The following ZIM2 variants were observed in gnomAD, a reference collection of about 807,000 sequenced individuals.
ZIM2 encodes the protein zinc finger imprinted 2, also known as zinc finger protein 656.
ZIM2 carries 14 observed loss-of-function variants against 38.6 expected under a neutral mutation model. The observed-to-expected ratio is 0.36, with a 90% CI of 0.24 to 0.57. The LOEUF is 0.57. Ranked by LOEUF, ZIM2 falls within the 20% of genes least tolerant of loss-of-function variation. ZIM2 has a pLI of 0.81. For missense variants in ZIM2, 680 were observed against 695.1 expected (o/e 0.98, Z 0.24); for synonymous variants, 247 against 245.8 (o/e 1.00, Z -0.04).
rs138979732 is a variant in ZIM2 at position 56,779,115 on chromosome 19, T to C, written c.835+262A>G. 2.7e-3 allele frequency among the ~76,000 whole-genome samples: 406 copies of C among 152,066 alleles called. 4 individuals are homozygous for C. The highest frequency in any genetic ancestry group is 9.2e-3 in the African/African-American group (383 of 41,490). Reference sequence around the variant, plus strand: ...TCAGTTAAAGAGGAGAGATGTATGATGTTTAGCTGCAAGGAGAAAGGCATG... The same window carrying C: ...TCAGTTAAAGAGGAGAGATGTATGACGTTTAGCTGCAAGGAGAAAGGCATG... On this transcript the variant is annotated intron_variant, in intron 12 of 12. Coordinates refer to ENST00000629319, the MANE Select transcript of ZIM2 (RefSeq NM_001387356.1).
intron 9 of ZIM2, chr19:56,813,991 C>A: frequency 1.2e-6 from 2 of 1,614,150 alleles, no homozygotes; most frequent in Middle Eastern, 1.6e-4. Context: ...AATTCCCACA[C>A]CGTCAGGCTC....
chr19:56,782,530 G>A, intron 10 of ZIM2: 2 of 437,866 alleles, frequency 4.6e-6, no homozygotes, highest in Non-Finnish European at 9.0e-6. Flanking sequence ...TAAACAAGGA[G>A]ATGAAAATCA....
intron 10 of ZIM2, among the ~76,000 whole-genome samples, chr19:56,785,986 A>G (rs2046577433): frequency 6.6e-6 from 1 of 152,098 alleles, no homozygotes; most frequent in South Asian, 2.1e-4. Flanking sequence ...AGAACATTTC[A>G]TCGCCCCAAA....
Position 56,818,634 on chromosome 19 carries a change from G to T in ZIM2, c.363C>A (p.Asp121Glu), listed in dbSNP as rs1172378560. 1 of 1,614,040 alleles carries T rather than the reference G, an allele frequency of 6.2e-7. No individual in the cohort carries two copies. ...GCAGCTTCCTGTAGTTTTCCATGTT[G>T]TCCTGGATTGTGTTGTGAGGTTTCC... ...EDRKPHNTIQ[D>E]NMENYRKLLS... The change falls in exon 8 of 13, where the codon GAC becomes GAA. Residue 121 changes from aspartate to glutamate, a missense_variant. Coordinates refer to ENST00000629319, the MANE Select transcript of ZIM2 (RefSeq NM_001387356.1).
At chr19:56,826,970 A>T (rs554903724) in intron 2 of ZIM2, among the ~76,000 whole-genome samples, 1 of 152,336 alleles carries the variant, frequency 6.6e-6, no homozygotes, top group Non-Finnish European at 1.5e-5. Flanking sequence ...TGGCAGGCTT[A>T]TAGAGTTCAA....
At chr19:56,777,969 G>C (rs4801384) in intron 12 of ZIM2, among the ~76,000 whole-genome samples, 1 of 151,776 alleles carries the variant, frequency 6.6e-6, no homozygotes, top group African/African-American at 2.4e-5. Flanking sequence ...TCAGGGCCCT[G>C]GCACTTGCTG....
chr19:56,815,138 G>C, intron 9 of ZIM2: 3 of 1,613,870 alleles, frequency 1.9e-6, no homozygotes, highest in Non-Finnish European at 2.5e-6. Context: ...TTGTCATCAG[G>C]GTCATCCTTC....
At chr19:56,787,438 G>A (rs947522042) in intron 10 of ZIM2, among the ~76,000 whole-genome samples, 1 of 152,044 alleles carries the variant, frequency 6.6e-6, no homozygotes, top group African/African-American at 2.4e-5. Flanking sequence ...ACCACGCCCA[G>A]CTAATTTTTG....
intron 10 of ZIM2, among the ~76,000 whole-genome samples, chr19:56,783,260 A>G (rs2046420142): frequency 6.6e-6 from 1 of 152,240 alleles, no homozygotes; most frequent in Non-Finnish European, 1.5e-5. Flanking sequence ...CTACAGTTAT[A>G]TACAACAATC....
rs547475482 is a variant in ZIM2 at position 56,795,770 on chromosome 19, G to A, written c.491-5819C>T. 1.0e-3 allele frequency among the ~76,000 whole-genome samples: 159 copies of A among 152,208 alleles called. 3 individuals carry two copies. Among genetic ancestry groups the A allele is most frequent in the Middle Eastern group, 3.4e-3 (1 of 294 alleles). On this transcript the variant is annotated intron_variant, in intron 9 of 12. Transcript: ENST00000629319. ...GCAGGAGAATTGCTTGAACCTGGGAGGCAGAGGTTACAGTGAGCCGAGATC... is the reference window on the plus strand; with the variant it reads ...GCAGGAGAATTGCTTGAACCTGGGAAGCAGAGGTTACAGTGAGCCGAGATC...
At chr19:56,835,168 T>G (rs1031614448) in intron 2 of ZIM2, among the ~76,000 whole-genome samples, 2 of 152,104 alleles carry the variant, frequency 1.3e-5, no homozygotes, top group African/African-American at 4.8e-5. Context: ...CCACACCCAC[T>G]GCGTCCACCC....
At chr19:56,821,351 C>G (rs1306751497) in intron 7 of ZIM2, among the ~76,000 whole-genome samples, 1 of 152,200 alleles carries the variant, frequency 6.6e-6, no homozygotes, top group Non-Finnish European at 1.5e-5. Flanking sequence ...CCAGAAACAT[C>G]TCCAGAGTCA....
intron 9 of ZIM2, chr19:56,798,048 AT>A (rs2145968386): frequency 6.6e-6 from 1 of 152,294 alleles, no homozygotes; most frequent in South Asian, 2.1e-4. Context: ...ATTATTTATG[AT>A]CTAACTGAAA....
At chr19:56,811,406 CTTAATG>C in intron 9 of ZIM2, 1 of 889,072 alleles carries the variant, frequency 1.1e-6, no homozygotes, top group Non-Finnish European at 1.3e-6. Context: ...GCTTTCTCCA[CTTAATG>C]TTCTGTAAAT....
rs1600969405 is a variant in ZIM2, at chr19:56,817,907, C to G, written c.398-69G>C. ...CCAAGACTCATCACCATAAATTGATCTTCATCTTTCACTGAGCCACTAAAT... is the reference window on the plus strand; with the variant it reads ...CCAAGACTCATCACCATAAATTGATGTTCATCTTTCACTGAGCCACTAAAT... On this transcript the variant is annotated intron_variant, in intron 8 of 12. Coordinates refer to ENST00000629319, the MANE Select transcript of ZIM2 (RefSeq NM_001387356.1). The G allele has an allele frequency of 1.2e-5, 15 of 1,236,364 alleles. No individual in the cohort carries two copies. In the East Asian group the frequency reaches 3.6e-4, roughly 30 times the overall value. 76.6% of individuals were successfully genotyped at this position (1,236,364 alleles called of 1,614,324 possible). A position where few individuals can be genotyped will look rare whatever the true frequency, so the allele number is the denominator to read the frequency against.
chr19:56,836,418 C>T (rs2286752), intron 1 of ZIM2, among the ~76,000 whole-genome samples: 103,737 of 152,010 alleles, frequency 0.68, 37,589 homozygotes, highest in South Asian at 0.84. Flanking sequence ...CCATTTTTGG[C>T]GCTGGCCGTC....
intron 9 of ZIM2, among the ~76,000 whole-genome samples, chr19:56,794,947 C>T (rs2047119323): frequency 6.6e-6 from 1 of 152,178 alleles, no homozygotes; most frequent in Non-Finnish European, 1.5e-5. Context: ...TTTTACATTT[C>T]TTTTGATTAA....
At chr19:56,837,969 T>A (rs117627231) in intron 1 of ZIM2, among the ~76,000 whole-genome samples, 1 of 152,152 alleles carries the variant, frequency 6.6e-6, no homozygotes, top group African/African-American at 2.4e-5. Flanking sequence ...AAGACACACA[T>A]GCTATGGCCC....
intron 9 of ZIM2, chr19:56,812,617 A>T (rs1048751563): frequency 2.0e-6 from 2 of 985,828 alleles, no homozygotes; most frequent in Non-Finnish European, 2.4e-6. Context: ...CAGGAAGCGC[A>T]CAAAGGAAGT....
Sources: gnomAD v4.1 joint callset for allele counts (sites outside exome capture counted in the v4.1 genomes callset) on GRCh38, gnomAD v4.1.1 for gene constraint, MANE v1.5 for transcripts, NCBI Gene and HGNC (gene_info 2026-07-23, HGNC 2026-07-21) for gene names.